The following NRXN3 variants were observed in gnomAD, a reference collection of about 807,000 sequenced individuals.
NRXN3 encodes the protein neurexin III.
Under a neutral mutation model 137.6 loss-of-function variants are expected in NRXN3, and 32 were observed. The ratio of observed to expected loss-of-function variants is 0.23; its 90% CI spans 0.18 to 0.31. The LOEUF (loss-of-function observed/expected upper bound fraction) is 0.31, where lower values mean the gene tolerates loss of function less well. NRXN3 is among the 10% of genes least tolerant of loss of function. The probability of loss-of-function intolerance (pLI) is 1.00; values close to 1 mark genes in which losing one functional copy is unlikely to be tolerated. For synonymous variants in NRXN3, 798 were observed against 784.5 expected, an observed-to-expected ratio of 1.02 and a Z score of -0.29; for missense variants, 1,574 against 2,062.5, an observed-to-expected ratio of 0.76 and a Z score of 4.59.
chr14:78,420,256 CACAAA>C (rs1319851375), intron 4 of NRXN3, among the ~76,000 whole-genome samples: 1 of 152,052 alleles, frequency 6.6e-6, no homozygotes, highest in African/African-American at 2.4e-5. Flanking sequence ...TTTTTTAAAT[CACAAA>C]ACAAAACCTT....
At chr14:79,236,607 T>C (rs576720345) in intron 15 of NRXN3, among the ~76,000 whole-genome samples, 1 of 152,206 alleles carries the variant, frequency 6.6e-6, no homozygotes, top group African/African-American at 2.4e-5. Context: ...GGAGGTTACT[T>C]CTTATTGAAG....
intron 15 of NRXN3, among the ~76,000 whole-genome samples, chr14:79,091,750 AC>A (rs1431516870): frequency 6.6e-6 from 1 of 152,128 alleles, no homozygotes; most frequent in Non-Finnish European, 1.5e-5. Context: ...TTCTGCCCAT[AC>A]TTTTGCAATC....
chr14:79,782,644 A>G (rs1413507490), intron 19 of NRXN3, among the ~76,000 whole-genome samples: 2 of 152,192 alleles, frequency 1.3e-5, no homozygotes, highest in Non-Finnish European at 2.9e-5. Flanking sequence ...CATGATAGAT[A>G]TAAAATCTTA....
At chr14:79,446,035 A>G (rs1230757335) in intron 15 of NRXN3, among the ~76,000 whole-genome samples, 1 of 152,192 alleles carries the variant, frequency 6.6e-6, no homozygotes, top group Non-Finnish European at 1.5e-5. Flanking sequence ...ATGCCATGCT[A>G]TAGTGTTCTA....
At chr14:79,160,586 G>T (rs559121318) in intron 15 of NRXN3, among the ~76,000 whole-genome samples, 1 of 151,876 alleles carries the variant, frequency 6.6e-6, no homozygotes, top group Non-Finnish European at 1.5e-5. Flanking sequence ...ACATGTTCGT[G>T]TTGAGTAGGT....
chr14:78,308,155 A>C (rs968390077), intron 4 of NRXN3, among the ~76,000 whole-genome samples: 1 of 152,046 alleles, frequency 6.6e-6, no homozygotes, highest in Admixed American at 6.6e-5. Context: ...CATTGTGTGC[A>C]TGTGCATGCA....
chr14:78,920,758 T>C (rs1330926645), intron 10 of NRXN3, among the ~76,000 whole-genome samples: 1 of 152,190 alleles, frequency 6.6e-6, no homozygotes, highest in Non-Finnish European at 1.5e-5. Context: ...CACGACATGT[T>C]CTTTATTTGC....
chr14:79,046,748 A>T (rs1239696387), intron 15 of NRXN3, among the ~76,000 whole-genome samples: 11 of 152,324 alleles, frequency 7.2e-5, no homozygotes, highest in African/African-American at 2.4e-4. Context: ...TAAAGAGGGT[A>T]TTTTTGAAAA....
At chr14:79,734,971 T>A (rs749366913) in intron 19 of NRXN3, among the ~76,000 whole-genome samples, 5 of 152,108 alleles carry the variant, frequency 3.3e-5, no homozygotes, top group African/African-American at 1.2e-4. Context: ...ACCAAAGCAA[T>A]AGCCTGAAGT....
intron 4 of NRXN3, among the ~76,000 whole-genome samples, chr14:78,644,546 G>A (rs1175973586): frequency 6.6e-6 from 1 of 152,110 alleles, no homozygotes; most frequent in African/African-American, 2.4e-5. Context: ...TGTATCACCT[G>A]CTCAGGTCCA....
intron 15 of NRXN3, among the ~76,000 whole-genome samples, chr14:79,460,803 T>C (rs941994319): frequency 2.0e-5 from 3 of 152,190 alleles, no homozygotes; most frequent in African/African-American, 7.2e-5. Flanking sequence ...TGTTAGGCAA[T>C]GTTGTCAGTT....
chr14:78,363,728 A>G (rs1198699155), intron 4 of NRXN3, among the ~76,000 whole-genome samples: 2 of 152,178 alleles, frequency 1.3e-5, no homozygotes, highest in Non-Finnish European at 2.9e-5. Flanking sequence ...CCATGCATCC[A>G]CTGTGAACTT....
At chr14:78,806,360 T>C (rs1333922022) in intron 9 of NRXN3, among the ~76,000 whole-genome samples, 2 of 152,192 alleles carry the variant, frequency 1.3e-5, no homozygotes, top group Non-Finnish European at 2.9e-5. Context: ...TATACCCCTT[T>C]GCAAATATTT....
intron 4 of NRXN3, among the ~76,000 whole-genome samples, chr14:78,573,260 G>A (rs1422605209): frequency 1.3e-5 from 2 of 152,088 alleles, no homozygotes; most frequent in African/African-American, 4.8e-5. Flanking sequence ...GACTCATGCT[G>A]GTACCACAGA....
chr14:78,846,921 C>G (rs1057472835), intron 10 of NRXN3, among the ~76,000 whole-genome samples: 1 of 152,070 alleles, frequency 6.6e-6, no homozygotes, highest in Non-Finnish European at 1.5e-5. Context: ...TGGTCTCCAG[C>G]TCATAGCATG....
At chr14:78,337,499 A>G (rs2081613571) in intron 4 of NRXN3, among the ~76,000 whole-genome samples, 1 of 152,078 alleles carries the variant, frequency 6.6e-6, no homozygotes, top group Non-Finnish European at 1.5e-5. Flanking sequence ...AGCTTTGGGG[A>G]TGATAAAGTA....
At chr14:79,084,932 G>C (rs1225677194) in intron 15 of NRXN3, among the ~76,000 whole-genome samples, 2 of 152,084 alleles carry the variant, frequency 1.3e-5, no homozygotes, top group Non-Finnish European at 2.9e-5. Context: ...GACTGTTGGG[G>C]ACCATCTGTT....
intron 15 of NRXN3, among the ~76,000 whole-genome samples, chr14:79,438,709 G>A (rs1335054142): frequency 1.3e-5 from 2 of 152,116 alleles, no homozygotes; most frequent in East Asian, 1.9e-4. Flanking sequence ...AAATCTCAAG[G>A]GAATGTGAAA....
At chr14:79,173,726 CA>C (rs2062021415) in intron 15 of NRXN3, among the ~76,000 whole-genome samples, 1 of 152,004 alleles carries the variant, frequency 6.6e-6, no homozygotes, top group Admixed American at 6.6e-5. Flanking sequence ...GGAAGGTAGG[CA>C]ATCCAGACCT....
Sources: gnomAD v4.1 joint callset for allele counts (sites outside exome capture counted in the v4.1 genomes callset) on GRCh38, gnomAD v4.1.1 for gene constraint, MANE v1.5 for transcripts, NCBI Gene and HGNC (gene_info 2026-07-23, HGNC 2026-07-21) for gene names.